LHFPL3: variants seen among roughly 807,000 people sequenced by gnomAD.
The protein encoded by LHFPL3 is LHFPL tetraspan subfamily member 3.
LHFPL3 carries 5 observed loss-of-function variants against 19.3 expected under a neutral mutation model. The ratio of observed to expected loss-of-function variants is 0.26; its 90% confidence interval spans 0.14 to 0.54. The LOEUF (loss-of-function observed/expected upper bound fraction) is 0.54, where lower values mean the gene tolerates loss of function less well. LHFPL3 is among the 20% of genes least tolerant of loss of function. The pLI is 0.94. For missense variants in LHFPL3, 249 were observed against 307.4 expected, an observed-to-expected ratio of 0.81 and a Z score of 1.42; for synonymous variants, 133 against 126.2, an observed-to-expected ratio of 1.05 and a Z score of -0.36.
At chr7:104,520,745 G>A (rs1315071036) in intron 1 of LHFPL3, among the ~76,000 whole-genome samples, 1 of 134,778 alleles carries the variant, frequency 7.4e-6, no homozygotes, top group African/African-American at 2.8e-5. Context: ...AGAGGTGTTT[G>A]TAGTATTCTC....
intron 1 of LHFPL3, among the ~76,000 whole-genome samples, chr7:104,509,174 G>A (rs1354933143): frequency 6.6e-6 from 1 of 151,540 alleles, no homozygotes; most frequent in Admixed American, 6.6e-5. Context: ...CCAGAAGATA[G>A]AAGAGGAGGG....
At chr7:104,420,127 C>CTAG (rs983159062) in intron 1 of LHFPL3, among the ~76,000 whole-genome samples, 1 of 152,210 alleles carries the variant, frequency 6.6e-6, no homozygotes, top group African/African-American at 2.4e-5. Context: ...CCAAGCCTTA[C>CTAG]TAGTCCACAA....
intron 1 of LHFPL3, among the ~76,000 whole-genome samples, chr7:104,714,721 T>C (rs1471616977): frequency 6.6e-6 from 1 of 152,144 alleles, no homozygotes; most frequent in East Asian, 1.9e-4. Context: ...CTTTTCAATA[T>C]GGTGAAAAAG....
intron 1 of LHFPL3, among the ~76,000 whole-genome samples, chr7:104,467,089 C>G (rs1342768895): frequency 1.3e-5 from 2 of 152,058 alleles, no homozygotes; most frequent in African/African-American, 2.4e-5. Flanking sequence ...ATTTTTTACT[C>G]CTTTACTTGC....
intron 2 of LHFPL3, among the ~76,000 whole-genome samples, chr7:104,750,344 A>G (rs913189104): frequency 6.6e-6 from 1 of 152,156 alleles, no homozygotes; most frequent in Admixed American, 6.5e-5. Context: ...CTTGCCCAAT[A>G]TGCAGCCTTT....
chr7:104,402,235 C>G (rs932170562), intron 1 of LHFPL3, among the ~76,000 whole-genome samples: 65 of 152,172 alleles, frequency 4.3e-4, no homozygotes, highest in Non-Finnish European at 1.2e-4. Flanking sequence ...AAAGTATTCT[C>G]TTTGTTTTCC....
chr7:104,391,923 AG>A (rs1312115205), intron 1 of LHFPL3, among the ~76,000 whole-genome samples: 2 of 152,130 alleles, frequency 1.3e-5, no homozygotes, highest in African/African-American at 4.8e-5. Flanking sequence ...TTGGATTCCT[AG>A]GTATTTTATT....
intron 1 of LHFPL3, among the ~76,000 whole-genome samples, chr7:104,700,768 TTTTTCTAGTTTTAATTACC>T (rs1294611641): frequency 1.3e-5 from 2 of 152,214 alleles, no homozygotes; most frequent in Non-Finnish European, 2.9e-5. Flanking sequence ...GCAATTTTGA[TTTTTCTAGTTTTAATTACC>T]TTTTTGTCTT....
At chr7:104,831,476 G>A (rs1329387085) in intron 2 of LHFPL3, among the ~76,000 whole-genome samples, 3 of 151,936 alleles carry the variant, frequency 2.0e-5, no homozygotes, top group South Asian at 4.1e-4. Context: ...GTCAATTTAT[G>A]TGAAACCACA....
At chr7:104,655,510 G>A (rs1327901573) in intron 1 of LHFPL3, among the ~76,000 whole-genome samples, 4 of 152,126 alleles carry the variant, frequency 2.6e-5, no homozygotes, top group Non-Finnish European at 5.9e-5. Flanking sequence ...TTGCTAAAGG[G>A]CCACAGACAA....
chr7:104,845,602 AT>A, intron 2 of LHFPL3: 1 of 346,586 alleles, frequency 2.9e-6, no homozygotes, highest in Non-Finnish European at 4.1e-6. Flanking sequence ...CTGATTTTAT[AT>A]TTTTACTTCT....
intron 1 of LHFPL3, among the ~76,000 whole-genome samples, chr7:104,477,085 G>T (rs1207521471): frequency 6.6e-6 from 1 of 151,872 alleles, no homozygotes; most frequent in Admixed American, 6.6e-5. Flanking sequence ...CCAACTCCAG[G>T]GCTTAAGTGA....
intron 2 of LHFPL3, among the ~76,000 whole-genome samples, chr7:104,824,496 T>TTA (rs1221731304): frequency 1.4e-5 from 1 of 69,260 alleles, no homozygotes; most frequent in Non-Finnish European, 2.5e-5. Context: ...TAATCTATAA[T>TTA]TATATATATT....
intron 2 of LHFPL3, among the ~76,000 whole-genome samples, chr7:104,754,535 C>T (rs1030651970): frequency 5.9e-5 from 9 of 152,274 alleles, no homozygotes; most frequent in East Asian, 1.9e-4. Context: ...TAAGCTTCTT[C>T]GTGTGTAAAA....
chr7:104,816,187 C>T (rs568000386), intron 2 of LHFPL3, among the ~76,000 whole-genome samples: 13 of 152,324 alleles, frequency 8.5e-5, no homozygotes, highest in Admixed American at 6.5e-4. Flanking sequence ...TTTACAGCAA[C>T]AGCATTTGCC....
intron 1 of LHFPL3, among the ~76,000 whole-genome samples, chr7:104,594,431 T>C (rs191147319): frequency 7.2e-4 from 110 of 152,366 alleles, no homozygotes; most frequent in Admixed American, 1.4e-3. Flanking sequence ...GGCTTCCCTC[T>C]GTGGGTAACT....
At chr7:104,334,762 A>C (rs1789750473) in intron 1 of LHFPL3, among the ~76,000 whole-genome samples, 1 of 152,150 alleles carries the variant, frequency 6.6e-6, no homozygotes, top group South Asian at 2.1e-4. Context: ...AATGATCTTT[A>C]TTACAGCATT....
intron 1 of LHFPL3, among the ~76,000 whole-genome samples, chr7:104,573,167 C>G (rs1421107432): frequency 6.6e-6 from 1 of 152,148 alleles, no homozygotes; most frequent in East Asian, 1.9e-4. Flanking sequence ...AATCCCAGCA[C>G]TTTGGGAGGC....
chr7:104,354,903 T>G (rs1790245957), intron 1 of LHFPL3, among the ~76,000 whole-genome samples: 1 of 152,138 alleles, frequency 6.6e-6, no homozygotes, highest in East Asian at 1.9e-4. Context: ...ACATAAAAAT[T>G]ATTAGTGAAA....
Sources: allele counts gnomAD v4.1 joint callset (sites outside exome capture counted in the v4.1 genomes callset), GRCh38; gene constraint gnomAD v4.1.1; transcripts MANE v1.5; gene names NCBI Gene and HGNC (gene_info 2026-07-23, HGNC 2026-07-21).